Variants in NDRG3 observed in about 807,000 individuals in gnomAD.
NDRG3 encodes the protein NDRG family member 3.
NDRG3 carries 23 observed loss-of-function variants against 57.2 expected under a neutral mutation model. The ratio of observed to expected loss-of-function variants is 0.40; its 90% CI spans 0.29 to 0.57. NDRG3 has a LOEUF of 0.57. NDRG3 is among the 20% of genes least tolerant of loss of function. NDRG3 has a pLI of 0.42. For missense variants in NDRG3, 384 were observed against 457.3 expected (o/e 0.84, Z 1.46); for synonymous variants, 132 against 162.6 (o/e 0.81, Z 1.43).
At chr20:36,660,560 A>ATTT (rs1428018613) in intron 12 of NDRG3, among the ~76,000 whole-genome samples, 176 bp from the exon 13 acceptor site, 1 of 149,872 alleles carries the variant, frequency 6.7e-6, no homozygotes, top group African/African-American at 2.5e-5. Context: ...TTATTTATTT[A>ATTT]TTTATTTATT....
intron 3 of NDRG3, among the ~76,000 whole-genome samples, chr20:36,706,197 T>C (rs1983539221): frequency 6.6e-6 from 1 of 152,212 alleles, no homozygotes; most frequent in African/African-American, 2.4e-5. Flanking sequence ...ATGAGTCAAG[T>C]TGAATTTTGC....
intron 1 of NDRG3, among the ~76,000 whole-genome samples, chr20:36,728,515 T>C (rs1985082824): frequency 6.6e-6 from 1 of 152,188 alleles, no homozygotes; most frequent in Non-Finnish European, 1.5e-5. Flanking sequence ...GATGGATACA[T>C]GGACACATAC....
intron 2 of NDRG3, among the ~76,000 whole-genome samples, chr20:36,721,106 A>G (rs890407143): frequency 3.3e-5 from 5 of 151,924 alleles, no homozygotes; most frequent in Non-Finnish European, 7.4e-5. Context: ...TAACATTGCC[A>G]CATTATTTTT....
intron 2 of NDRG3, among the ~76,000 whole-genome samples, chr20:36,718,399 G>A (rs1047254239): frequency 6.6e-6 from 1 of 152,166 alleles, no homozygotes; most frequent in Non-Finnish European, 1.5e-5. Flanking sequence ...AAGTGGGTAG[G>A]AACAGCATAG....
intron 3 of NDRG3, among the ~76,000 whole-genome samples, chr20:36,702,213 T>C (rs886871046): frequency 2.0e-5 from 3 of 151,810 alleles, no homozygotes; most frequent in Non-Finnish European, 4.4e-5. Context: ...CTTGGTTCAC[T>C]GCAAGCTCCG....
chr20:36,671,432 G>A, intron 8 of NDRG3, 35 bp from the exon 9 acceptor site: 1 of 1,555,040 alleles, frequency 6.4e-7, no homozygotes, highest in Non-Finnish European at 8.8e-7. Flanking sequence ...AAGAATGTAA[G>A]CATATGCAAA....
intron 2 of NDRG3, among the ~76,000 whole-genome samples, chr20:36,716,253 G>A (rs370375787): frequency 6.7e-6 from 1 of 149,528 alleles, no homozygotes; most frequent in Non-Finnish European, 1.5e-5. Flanking sequence ...TCACTTTCAG[G>A]TGGGTGCGGT....
intron 1 of NDRG3, among the ~76,000 whole-genome samples, chr20:36,725,610 A>G (rs1984882543): frequency 6.6e-6 from 1 of 151,638 alleles, no homozygotes; most frequent in African/African-American, 2.4e-5. Flanking sequence ...TAAAAAAAAA[A>G]AAAAAAAAGA....
intron 2 of NDRG3, among the ~76,000 whole-genome samples, chr20:36,716,747 G>A (rs1984303396): frequency 6.6e-6 from 1 of 152,132 alleles, no homozygotes; most frequent in Non-Finnish European, 1.5e-5. Context: ...GGTAGAGGAA[G>A]GCAGGGAAAA....
intron 3 of NDRG3, among the ~76,000 whole-genome samples, chr20:36,691,971 C>T (rs1428287859): frequency 6.6e-6 from 1 of 152,040 alleles, no homozygotes; most frequent in East Asian, 1.9e-4. Context: ...TAGGGAGGCA[C>T]ACAATAAACA....
intron 3 of NDRG3, among the ~76,000 whole-genome samples, chr20:36,693,105 A>AAAATAT (rs56739356): frequency 1.5e-4 from 4 of 25,854 alleles, no homozygotes; most frequent in Non-Finnish European, 2.0e-4. Context: ...AAAAAAAAAA[A>AAAATAT]ATATATATAT....
Position 36,717,523 on chromosome 20 carries a change from T to C in NDRG3, c.57+4156A>G, listed in dbSNP as rs141264876. On this transcript the variant is annotated intron_variant, in intron 2 of 15. Coordinates refer to ENST00000349004, the MANE Select transcript of NDRG3 (RefSeq NM_032013.4). Reference sequence around the variant, plus strand: ...ATTAACACAGTGGAAACAGCTCAGGTTTTAAGAGTAGGAAAGACTTTGGTT... The same window carrying C: ...ATTAACACAGTGGAAACAGCTCAGGCTTTAAGAGTAGGAAAGACTTTGGTT... Among the ~76,000 whole-genome samples the C allele has an allele frequency of 7.9e-5, 12 of 152,230 alleles. No homozygotes were observed. The East Asian group carries it at 2.3e-3, about 29-fold the overall frequency.
At chr20:36,705,181 G>C (rs1487617323) in intron 3 of NDRG3, among the ~76,000 whole-genome samples, 1 of 151,838 alleles carries the variant, frequency 6.6e-6, no homozygotes, top group East Asian at 1.9e-4. Context: ...AATTAGCCAG[G>C]TGTGGTGGCG....
intron 4 of NDRG3, among the ~76,000 whole-genome samples, chr20:36,688,183 G>C (rs188305726): frequency 1.3e-5 from 2 of 152,340 alleles, no homozygotes; most frequent in African/African-American, 4.8e-5. Context: ...GAAAGCCAGA[G>C]CAGCATGAAA....
At chr20:36,692,421 A>G (rs551744154) in intron 3 of NDRG3, among the ~76,000 whole-genome samples, 6 of 152,190 alleles carry the variant, frequency 3.9e-5, no homozygotes, top group African/African-American at 1.4e-4. Context: ...ATGGGGTTTC[A>G]CCATGTTGTC....
chr20:36,683,445 C>T (rs1474360903), intron 6 of NDRG3, among the ~76,000 whole-genome samples: 1 of 151,596 alleles, frequency 6.6e-6, no homozygotes, highest in East Asian at 1.9e-4. Flanking sequence ...GAAACCCCGT[C>T]TCTACTAAAA....
intron 1 of NDRG3, among the ~76,000 whole-genome samples, chr20:36,724,805 G>C (rs750795539): frequency 3.3e-5 from 5 of 151,898 alleles, no homozygotes; most frequent in Non-Finnish European, 7.4e-5. Context: ...GCACACGCCT[G>C]TAATTCCAGC....
chr20:36,690,920 C>T (rs897711414), intron 3 of NDRG3, among the ~76,000 whole-genome samples: 2 of 152,236 alleles, frequency 1.3e-5, no homozygotes, highest in African/African-American at 2.4e-5. Flanking sequence ...GTAGATGCCG[C>T]ACTAAGAGTG....
At chr20:36,660,924 A>G (rs1979152622) in intron 12 of NDRG3, among the ~76,000 whole-genome samples, 1 of 152,174 alleles carries the variant, frequency 6.6e-6, no homozygotes, top group Non-Finnish European at 1.5e-5. Flanking sequence ...TCACTTATCT[A>G]ATTTTCTGAA....
Sources: gnomAD v4.1 joint callset for allele counts (sites outside exome capture counted in the v4.1 genomes callset) on GRCh38, gnomAD v4.1.1 for gene constraint, MANE v1.5 for transcripts, NCBI Gene and HGNC (gene_info 2026-07-23, HGNC 2026-07-21) for gene names.